APLF: variants seen among roughly 807,000 people sequenced by gnomAD.
APLF encodes the protein aprataxin and PNK-like factor.
In APLF, 61 loss-of-function variants were observed where a neutral mutation model predicts 55.6. The observed-to-expected ratio is 1.10, with a 90% CI of 0.89 to 1.36. The LOEUF (loss-of-function observed/expected upper bound fraction) is 1.36, where lower values mean the gene tolerates loss of function less well. Among genes scored for constraint, APLF ranks in the 40% most tolerant of loss-of-function variants. The pLI is 0.00. For synonymous variants in APLF, 207 were observed against 214.8 expected (o/e 0.96, Z 0.32); for missense variants, 611 against 602.5 (o/e 1.01, Z -0.15).
intron 3 of APLF, 34 bp from the exon 4 acceptor site, chr2:68,513,046 A>G (rs771053527): frequency 3.3e-5 from 52 of 1,564,310 alleles, no homozygotes; most frequent in Non-Finnish European, 4.4e-5. Flanking sequence ...TGTTAAATTT[A>G]AAATTAAAGA....
rs754998948 is a variant in APLF, at chr2:68,567,361, T to C, written c.1307T>C (p.Ile436Thr). 1.9e-6 allele frequency: 3 copies of C among 1,606,182 alleles called. No homozygotes were observed. The highest frequency in any genetic ancestry group is 1.1e-5 in the South Asian group (1 of 89,860). Reference protein sequence around the residue: ...SCYRKNPQHKIEYRHNTLPVR... With the variant: ...SCYRKNPQHKTEYRHNTLPVR... ...TTCAGGAAGAATCCCCAGCACAAGATAGAATATAGACATAATACGCTTCCA... is the reference window on the plus strand; with the variant it reads ...TTCAGGAAGAATCCCCAGCACAAGACAGAATATAGACATAATACGCTTCCA... Residue 436 changes from isoleucine to threonine, a missense_variant, in exon 9 of 10, where the codon ATA (isoleucine) becomes ACA (threonine). Coordinates refer to ENST00000303795, the MANE Select transcript of APLF (RefSeq NM_173545.3).
chr2:68,515,342 C>T (rs1356160909), intron 5 of APLF, among the ~76,000 whole-genome samples: 1 of 151,460 alleles, frequency 6.6e-6, no homozygotes, highest in African/African-American at 2.4e-5. Context: ...TGTTGATCCT[C>T]AATTTGTAGG....
intron 8 of APLF, among the ~76,000 whole-genome samples, chr2:68,553,696 G>A (rs545215271): frequency 1.3e-5 from 2 of 152,172 alleles, no homozygotes; most frequent in South Asian, 2.1e-4. Context: ...AAAATGGAAA[G>A]ATATGTATTC....
At chr2:68,477,782 A>C (rs1018198563) in intron 1 of APLF, among the ~76,000 whole-genome samples, 1 of 152,156 alleles carries the variant, frequency 6.6e-6, no homozygotes, top group African/African-American at 2.4e-5. Flanking sequence ...CGCAAAGTCA[A>C]ACGTCTTACA....
chr2:68,469,471 G>T (rs537180060), intron 1 of APLF, among the ~76,000 whole-genome samples: 4 of 152,180 alleles, frequency 2.6e-5, no homozygotes, highest in Non-Finnish European at 5.9e-5. Flanking sequence ...TTTAAAAATG[G>T]TAAGGAGTGA....
At chr2:68,558,771 C>T (rs1671084083) in intron 8 of APLF, among the ~76,000 whole-genome samples, 1 of 152,142 alleles carries the variant, frequency 6.6e-6, no homozygotes, top group Non-Finnish European at 1.5e-5. Context: ...ATTAGCTATT[C>T]TTCCTGATGC....
At chr2:68,504,182 T>A (rs1676805645) in intron 3 of APLF, among the ~76,000 whole-genome samples, 1 of 152,016 alleles carries the variant, frequency 6.6e-6, no homozygotes, top group South Asian at 2.1e-4. Context: ...GAATTCATAA[T>A]TTAAGTATTT....
intron 6 of APLF, among the ~76,000 whole-genome samples, chr2:68,532,668 C>T (rs570141071): frequency 6.6e-6 from 1 of 152,238 alleles, no homozygotes; most frequent in East Asian, 1.9e-4. Flanking sequence ...CAGAAATAGT[C>T]TATATTTTTC....
intron 8 of APLF, among the ~76,000 whole-genome samples, chr2:68,552,710 A>G (rs570776295): frequency 6.6e-6 from 1 of 152,178 alleles, no homozygotes; most frequent in Admixed American, 6.5e-5. Context: ...AATGTCAAAA[A>G]TTGCTGTCTT....
chr2:68,528,481 C>G, intron 6 of APLF: 1 of 1,533,936 alleles, frequency 6.5e-7, no homozygotes, highest in Non-Finnish European at 8.7e-7. Flanking sequence ...GTGGTGGCCC[C>G]GACAGTTTTC....
chr2:68,560,083 G>C (rs1671128757), intron 8 of APLF, among the ~76,000 whole-genome samples: 1 of 152,040 alleles, frequency 6.6e-6, no homozygotes, highest in Non-Finnish European at 1.5e-5. Context: ...TCAGATATGT[G>C]TGTGATATAC....
chr2:68,575,098 A>G (rs181322366), intron 9 of APLF, among the ~76,000 whole-genome samples: 1 of 152,338 alleles, frequency 6.6e-6, no homozygotes, highest in Admixed American at 6.5e-5. Context: ...AAGAAAAATA[A>G]GCTGTGTAGG....
chr2:68,550,413 G>T (rs1670825752), intron 8 of APLF, among the ~76,000 whole-genome samples: 1 of 152,018 alleles, frequency 6.6e-6, no homozygotes, highest in Non-Finnish European at 1.5e-5. Flanking sequence ...TGTATTTTTA[G>T]TAGAGACGGG....
Position 68,538,125 on chromosome 2 carries a change from A to G in APLF, c.1058A>G (p.Asn353Ser). Residue 353 changes from asparagine to serine, a missense_variant, in exon 7 of 10, where the codon AAT (asparagine) becomes AGT (serine). Coordinates refer to ENST00000303795, the MANE Select transcript of APLF (RefSeq NM_173545.3). ...SHSESSSNPS[N>S]PETLHAKATD... is the part of the protein sequence containing the mutation. The stretch of plus-strand genomic sequence containing the variant: ...TCTGAGTCCAGCTCTAATCCCTCCA[A>G]TCCTGAAACTTTGCATGCAAAGGCA... 1 of 1,614,110 alleles carries G rather than the reference A, an allele frequency of 6.2e-7. No homozygotes were observed. Among genetic ancestry groups the G allele is most frequent in the South Asian group, 1.1e-5 (1 of 91,084 alleles).
chr2:68,476,150 T>C (rs570737432), intron 1 of APLF, among the ~76,000 whole-genome samples: 10 of 152,006 alleles, frequency 6.6e-5, no homozygotes, highest in Admixed American at 1.3e-4. Context: ...TGTAAAGTAA[T>C]GTTTTTTGTG....
At chr2:68,542,437 A>AC (rs1355866536) in intron 7 of APLF, among the ~76,000 whole-genome samples, 2 of 152,196 alleles carry the variant, frequency 1.3e-5, no homozygotes, top group African/African-American at 4.8e-5. Context: ...ATACATAAAG[A>AC]ACTATAACTA....
intron 8 of APLF, among the ~76,000 whole-genome samples, chr2:68,564,949 T>C (rs1206185074): frequency 1.3e-5 from 2 of 152,154 alleles, no homozygotes; most frequent in Non-Finnish European, 2.9e-5. Flanking sequence ...CACATGTGGC[T>C]GTTTACATTT....
At chr2:68,492,560 C>A (rs66490410) in intron 2 of APLF, among the ~76,000 whole-genome samples, 43,631 of 152,020 alleles carry the variant, frequency 0.29, 7,193 homozygotes, top group East Asian at 0.58. Context: ...GAAAATCTTA[C>A]CTTGAGTTAA....
chr2:68,516,963 A>AT, intron 5 of APLF, among the ~76,000 whole-genome samples: 3 of 123,246 alleles, frequency 2.4e-5, no homozygotes, highest in African/African-American at 9.4e-5. Context: ...ATAATATATA[A>AT]TAATATAATA....
Sources: gnomAD v4.1 joint callset for allele counts (sites outside exome capture counted in the v4.1 genomes callset) on GRCh38, gnomAD v4.1.1 for gene constraint, MANE v1.5 for transcripts, NCBI Gene and HGNC (gene_info 2026-07-23, HGNC 2026-07-21) for gene names.